The following ALG10B variants were observed in gnomAD, a reference collection of about 807,000 sequenced individuals.
ALG10B encodes the protein dol-P-Glc:Glc(2)Man(9)GlcNAc(2)-PP-Dol alpha-1,2-glucosyltransferase B.
A neutral mutation model predicts 38.7 loss-of-function variants in ALG10B; 27 were observed. The observed-to-expected ratio is 0.70, with a 90% CI of 0.51 to 0.96. The LOEUF is 0.96. Ranked by LOEUF, ALG10B falls within the 40% of genes least tolerant of loss-of-function variation. The pLI is 0.00. For missense variants in ALG10B, 522 were observed against 542.7 expected (o/e 0.96, Z 0.38); for synonymous variants, 177 against 193.3 (o/e 0.92, Z 0.70).
rs1945755859 is a variant in ALG10B at position 38,327,579 on chromosome 12, G to C, written c.*6366G>C. ...TCCACACTGTCACTAAATGAACATA[G>C]ATTGGTATGACTCCCAAGCCTGTGA... is the stretch of plus-strand genomic sequence containing the variant. On this transcript the variant is annotated 3_prime_UTR_variant, in exon 3 of 3. Transcript: ENST00000308742. 1 of 152,138 alleles carries C rather than the reference G, an allele frequency of 6.6e-6. No homozygotes were observed. Among genetic ancestry groups the C allele is most frequent in the Non-Finnish European group, 1.5e-5 (1 of 68,028 alleles). The allele number at this position is 152,138 out of a possible 1,614,324, so 9.4% of individuals were successfully genotyped here. A position where few individuals can be genotyped will look rare whatever the true frequency, so the allele number is the denominator to read the frequency against.
At position 38,318,100 on chromosome 12, in the gene ALG10B, A is replaced by C. The variant is rs913670846; in HGVS notation, c.172-161A>C. On this transcript the variant is annotated intron_variant, in intron 1 of 2. Coordinates refer to ENST00000308742, the MANE Select transcript of ALG10B (RefSeq NM_001013620.4). ...AGCTGGTCCGGGGGCAAAAAATAAG[A>C]AAAACTAATCCTGTTCTGCCAAGGA... 13 of 952,352 alleles carry C rather than the reference A, an allele frequency of 1.4e-5. 1 individual carries two copies. The highest frequency in any genetic ancestry group is 1.9e-5 in the Non-Finnish European group (12 of 619,156). 59.0% of individuals were successfully genotyped at this position (952,352 alleles called of 1,614,324 possible). A position where few individuals can be genotyped will look rare whatever the true frequency, so the allele number is the denominator to read the frequency against.
rs1308247254 is a variant in ALG10B at position 38,321,240 on chromosome 12, A to T, written c.*27A>T. On this transcript the variant is annotated 3_prime_UTR_variant, in exon 3 of 3. Transcript: ENST00000308742. ...ATCAGTGATATTTTGAACTGTAAAA[A>T]TGGACTTAATAATTAGACCATTTCT... 1.3e-6 allele frequency: 2 copies of T among 1,597,778 alleles called. No individual in the cohort carries two copies. The highest frequency in any genetic ancestry group is 2.7e-5 in the African/African-American group (2 of 74,510).
rs116173763 is a variant in ALG10B, at chr12:38,321,425, A to G, written c.*212A>G. On this transcript the variant is annotated 3_prime_UTR_variant, in exon 3 of 3. Coordinates refer to ENST00000308742, the MANE Select transcript of ALG10B (RefSeq NM_001013620.4). ...TAAGACCTGCTTCAAAAGCCTGAAT[A>G]ATGGGAAAATAAAATTGTTTTCAGA... 3.3e-3 allele frequency: 1,377 copies of G among 422,478 alleles called. 16 individuals are homozygous for G. Among genetic ancestry groups the G allele is most frequent in the African/African-American group, 0.026 (1,283 of 49,024 alleles). The allele number at this position is 422,478 out of a possible 1,614,324, so 26.2% of individuals were successfully genotyped here.
intron 1 of ALG10B, chr12:38,317,979 T>C: frequency 2.3e-6 from 1 of 440,108 alleles, no homozygotes; most frequent in South Asian, 2.4e-5. Context: ...TTGCAGTTTA[T>C]TTATCAAAAT....
rs141976317 is a variant in ALG10B, at chr12:38,326,169, G to GATTTTATTTT, written c.*4971_*4980dup. 3.2e-4 allele frequency: 47 copies of GATTTTATTTT among 149,192 alleles called. No homozygotes were observed. The highest frequency in any genetic ancestry group is 3.4e-3 in the Middle Eastern group (1 of 290). The allele number at this position is 149,192 out of a possible 1,614,324, so 9.2% of individuals were successfully genotyped here. A position where few individuals can be genotyped will look rare whatever the true frequency, so the allele number is the denominator to read the frequency against. On this transcript the variant is annotated 3_prime_UTR_variant, in exon 3 of 3. Transcript: ENST00000308742. ...CTTAAAACATGATGAGATATTTTGT[G>GATTTTATTTT]ATTTTATTTTATTTTATTTTATTTA...
chr12:38,317,474 A>G (rs1177447914), intron 1 of ALG10B: 2 of 197,008 alleles, frequency 1.0e-5, no homozygotes, highest in Non-Finnish European at 2.1e-5. Flanking sequence ...GGTGGACTGG[A>G]GGGATCTTCG....
Position 38,320,557 on chromosome 12 carries a change from C to T in ALG10B, c.766C>T (p.Pro256Ser). ...GAGTATGCTTTTCTGTTTGACTTGG[C>T]CCTACATCCTTCTGGGATTTCTGTT... ...NLSMLFCLTW[P>S]YILLGFLFCA... Residue 256 changes from proline (P) to serine (S), a missense_variant, in exon 3 of 3, where the codon CCC becomes TCC. Pro to Ser is a moderately conservative substitution (Grantham distance 74). Transcript: ENST00000308742. 1.2e-6 allele frequency: 2 copies of T among 1,614,050 alleles called. No individual in the cohort carries two copies. The highest frequency in any genetic ancestry group is 8.5e-7 in the Non-Finnish European group (1 of 1,179,976).
At position 38,321,956 on chromosome 12, in the gene ALG10B, A is replaced by C. The variant is rs1478798228; in HGVS notation, c.*743A>C. ...ATTTCCTTTATGAAATACATATTGT[A>C]TTAGCTTCCCAGGGCTGCCATAACA... On this transcript the variant is annotated 3_prime_UTR_variant, in exon 3 of 3. Transcript: ENST00000308742. The C allele has an allele frequency of 6.6e-6, 1 of 152,220 alleles. No homozygotes were observed. Among genetic ancestry groups the C allele is most frequent in the African/African-American group, 2.4e-5 (1 of 41,458 alleles). The allele number at this position is 152,220 out of a possible 1,614,324, so 9.4% of individuals were successfully genotyped here. A position where few individuals can be genotyped will look rare whatever the true frequency, so the allele number is the denominator to read the frequency against.
In ALG10B at chr12:38,329,377, C is replaced by A. The variant is rs58240176; in HGVS notation, c.*8164C>A. 0.02 allele frequency: 7,792 copies of A among 395,146 alleles called. 563 individuals are homozygous for A. The highest frequency in any genetic ancestry group is 0.15 in the African/African-American group (7,138 of 48,612). 24.5% of individuals were successfully genotyped at this position (395,146 alleles called of 1,614,324 possible). ...TTTTAATATGAATGATTCCAGTTAA[C>A]AAATGGAGAAATAGTTGTTTGAAAA... is the stretch of plus-strand genomic sequence containing the variant. On this transcript the variant is annotated 3_prime_UTR_variant, in exon 3 of 3. Transcript: ENST00000308742.
At position 38,327,491 on chromosome 12, in the gene ALG10B, G is replaced by A. The variant is rs2120521421; in HGVS notation, c.*6278G>A. 1 of 152,288 alleles carries A rather than the reference G, an allele frequency of 6.6e-6. No individual in the cohort carries two copies. Among genetic ancestry groups the A allele is most frequent in the Non-Finnish European group, 1.5e-5 (1 of 68,012 alleles). The allele number at this position is 152,288 out of a possible 1,614,324, so 9.4% of individuals were successfully genotyped here. The stretch of plus-strand genomic sequence containing the variant: ...ACATTTATATTTCTATGAGGCAGAT[G>A]TTGATTTCTCTTTGACTGCTGAAGA... On this transcript the variant is annotated 3_prime_UTR_variant, in exon 3 of 3. Transcript: ENST00000308742.
intron 1 of ALG10B, 60 bp from the exon 2 acceptor site, chr12:38,318,201 T>C (rs1342234653): frequency 1.3e-6 from 2 of 1,597,878 alleles, no homozygotes; most frequent in African/African-American, 2.7e-5. Flanking sequence ...GCTTGACATA[T>C]TTGTGTCTGT....
At position 38,323,923 on chromosome 12, in the gene ALG10B, G is replaced by A. The variant is rs374349147; in HGVS notation, c.*2710G>A. On this transcript the variant is annotated 3_prime_UTR_variant, in exon 3 of 3. Transcript: ENST00000308742. ...GGATTTTGTATTTAGGAATACTTCTGAGAGGAGAAGCTTCCACTCTGATCT... is the reference window on the plus strand; with the variant it reads ...GGATTTTGTATTTAGGAATACTTCTAAGAGGAGAAGCTTCCACTCTGATCT... 4.0e-5 allele frequency: 28 copies of A among 702,220 alleles called. No homozygotes were observed. The African/African-American group carries it at 4.7e-4, about 12-fold the overall frequency. The allele number at this position is 702,220 out of a possible 1,614,324, so 43.5% of individuals were successfully genotyped here. A position where few individuals can be genotyped will look rare whatever the true frequency, so the allele number is the denominator to read the frequency against.
rs1403230889 is a variant in ALG10B at position 38,324,064 on chromosome 12, C to T, written c.*2851C>T. ...TTTTTGTCTTTGAGGAGAAGTCTCGCTCTTGTCCCCCAGGCTGGAATGCAA... is the reference window on the plus strand; with the variant it reads ...TTTTTGTCTTTGAGGAGAAGTCTCGTTCTTGTCCCCCAGGCTGGAATGCAA... On this transcript the variant is annotated 3_prime_UTR_variant, in exon 3 of 3. Transcript: ENST00000308742. 8 of 644,682 alleles carry T rather than the reference C, an allele frequency of 1.2e-5. No individual in the cohort carries two copies. The highest frequency in any genetic ancestry group is 2.2e-5 in the Non-Finnish European group (8 of 358,144). 39.9% of individuals were successfully genotyped at this position (644,682 alleles called of 1,614,324 possible).
intron 2 of ALG10B, 112 bp downstream of exon 2, chr12:38,318,570 A>T (rs749561911): frequency 8.7e-6 from 11 of 1,264,306 alleles, no homozygotes; most frequent in Non-Finnish European, 1.2e-5. Context: ...GTAACTTTGT[A>T]TTTTTTGTAT....
chr12:38,320,215 A>G lies in ALG10B; in HGVS notation c.424A>G (p.Thr142Ala). 1 of 1,613,974 alleles carries G rather than the reference A, an allele frequency of 6.2e-7. No individual in the cohort carries two copies. Among genetic ancestry groups the G allele is most frequent in the Non-Finnish European group, 8.5e-7 (1 of 1,179,912 alleles). The stretch of plus-strand genomic sequence containing the variant: ...AACATTAACACTAGCAGTATTTCCA[A>G]CACTTTATTTTTTTAACTTCCTTTA... The part of the protein sequence containing the change: ...LSTLTLAVFP[T>A]LYFFNFLYYT... The change falls in exon 3 of 3, where the codon ACA (threonine) becomes GCA (alanine). Residue 142 changes from threonine to alanine, a missense_variant. Coordinates refer to ENST00000308742, the MANE Select transcript of ALG10B (RefSeq NM_001013620.4).
chr12:38,316,905 A>AC lies in ALG10B; in HGVS notation c.12_13insC (p.Glu5ArgfsTer46). On this transcript the variant is annotated frameshift_variant, in exon 1 of 3. Transcript: ENST00000308742. LOFTEE classifies it high-confidence loss of function. ...CTGTGGGAGCAGGAATGGCGCAGCT[A>AC]GAGGGTTACTGTTTCTCGGCCGCCT... The AC allele has an allele frequency of 6.2e-7, 1 of 1,614,108 alleles. No homozygotes were observed. Among genetic ancestry groups the AC allele is most frequent in the Non-Finnish European group, 8.5e-7 (1 of 1,180,030 alleles).
Position 38,320,982 on chromosome 12 carries a change from A to G in ALG10B, c.1191A>G (p.Leu397=). Reference sequence around the variant, plus strand: ...AATCAAAGCCAATTTTTTGGAATTTAATGTTTTTCATATGCTTGTTCATTG... The same window carrying G: ...AATCAAAGCCAATTTTTTGGAATTTGATGTTTTTCATATGCTTGTTCATTG... ...SLKSKPIFWN[L]MFFICLFIVI... Residue 397 remains leucine (L), a synonymous_variant, in exon 3 of 3, where the codon TTA becomes TTG. Transcript: ENST00000308742. 6.2e-7 allele frequency: 1 copy of G among 1,613,320 alleles called. No homozygotes were observed. Among genetic ancestry groups the G allele is most frequent in the East Asian group, 2.2e-5 (1 of 44,832 alleles).
rs3841370 is a variant in ALG10B at position 38,321,366 on chromosome 12, GT to G, written c.*154del. The G allele has an allele frequency of 0.053, 38,376 of 723,448 alleles. 4,101 individuals carry two copies. Among genetic ancestry groups the G allele is most frequent in the East Asian group, 0.45 (14,575 of 32,266 alleles). 44.8% of individuals were successfully genotyped at this position (723,448 alleles called of 1,614,324 possible). ...TTTTTAATATATATTTTAAACATAT[GT>G]AAGAAATTAAGTGGCAAAGAACTGG... On this transcript the variant is annotated 3_prime_UTR_variant, in exon 3 of 3. Coordinates refer to ENST00000308742, the MANE Select transcript of ALG10B (RefSeq NM_001013620.4).
Position 38,327,979 on chromosome 12 carries a change from T to C in ALG10B, c.*6766T>C, listed in dbSNP as rs1311248633. The C allele has an allele frequency of 2.0e-5, 3 of 152,282 alleles. No individual in the cohort carries two copies. The highest frequency in any genetic ancestry group is 4.1e-4 in the South Asian group (2 of 4,826). The allele number at this position is 152,282 out of a possible 1,614,324, so 9.4% of individuals were successfully genotyped here. A position where few individuals can be genotyped will look rare whatever the true frequency, so the allele number is the denominator to read the frequency against. On this transcript the variant is annotated 3_prime_UTR_variant, in exon 3 of 3. Transcript: ENST00000308742. Reference sequence around the variant, plus strand: ...TGTAAATCAGAGGTCAACAATTAGATTGCAAATCATGAAAAGCATAACTTC... The same window carrying C: ...TGTAAATCAGAGGTCAACAATTAGACTGCAAATCATGAAAAGCATAACTTC...
Sources: allele counts gnomAD v4.1 joint callset, GRCh38; gene constraint gnomAD v4.1.1; transcripts MANE v1.5; gene names NCBI Gene and HGNC (gene_info 2026-07-23, HGNC 2026-07-21).